The following MAN2B2 variants were observed in gnomAD, a reference collection of about 807,000 sequenced individuals.
The protein encoded by MAN2B2 is mannosidase alpha class 2B member 2.
A neutral mutation model predicts 117.1 loss-of-function variants in MAN2B2; 106 were observed. The ratio of observed to expected loss-of-function variants is 0.90; its 90% CI spans 0.77 to 1.06. The LOEUF (loss-of-function observed/expected upper bound fraction) is 1.06. Among genes scored for constraint, MAN2B2 ranks in the 50% least tolerant of loss-of-function variants. The probability of loss-of-function intolerance (pLI) is 0.00; values close to 1 mark genes in which losing one functional copy is unlikely to be tolerated. For missense variants in MAN2B2, 1,326 were observed against 1,381.4 expected (o/e 0.96, Z 0.64); for synonymous variants, 544 against 595.1 (o/e 0.91, Z 1.25).
chr4:6,585,146 T>G (rs146045905), intron 3 of MAN2B2, among the ~76,000 whole-genome samples: 3 of 151,884 alleles, frequency 2.0e-5, no homozygotes, highest in African/African-American at 7.2e-5. Flanking sequence ...CCCTCTCACC[T>G]CTGCTGTGCA....
chr4:6,599,442 T>C (rs971767462), intron 9 of MAN2B2, among the ~76,000 whole-genome samples: 1 of 151,812 alleles, frequency 6.6e-6, no homozygotes, highest in African/African-American at 2.4e-5. Context: ...GCGGGTGGAT[T>C]ACGAGGTCAG....
chr4:6,589,041 G>A lies in MAN2B2; in HGVS notation c.565-4G>A, dbSNP rs367735375. On this transcript the variant is annotated splice_region_variant and splice_polypyrimidine_tract_variant and intron_variant, in intron 4 of 18. Transcript: ENST00000285599. ...CCAGCCTCATTCTTCTCCTCGGTTTGCAGGGGCTGCAGTTCGTGTGGCGAG... is the reference window on the plus strand; with the variant it reads ...CCAGCCTCATTCTTCTCCTCGGTTTACAGGGGCTGCAGTTCGTGTGGCGAG... 6.2e-7 allele frequency: 1 copy of A among 1,612,254 alleles called. No homozygotes were observed. Among genetic ancestry groups the A allele is most frequent in the Non-Finnish European group, 8.5e-7 (1 of 1,178,444 alleles).
At chr4:6,591,403 C>T (rs547479453) in intron 5 of MAN2B2, among the ~76,000 whole-genome samples, 348 of 152,344 alleles carry the variant, frequency 2.3e-3, no homozygotes, top group Non-Finnish European at 3.5e-3. Context: ...TCGCCAAGGC[C>T]CCGTGGGAGT....
intron 4 of MAN2B2, 116 bp from the exon 5 acceptor site, chr4:6,588,929 C>A: frequency 1.4e-6 from 1 of 704,338 alleles, no homozygotes; most frequent in Non-Finnish European, 2.5e-6. Context: ...CATCCTTGAA[C>A]CACTGAGGGA....
Position 6,576,573 on chromosome 4 carries a change from C to T in MAN2B2, c.139-5C>T. The T allele has an allele frequency of 6.2e-7, 1 of 1,611,716 alleles. No individual in the cohort carries two copies. Reference sequence around the variant, plus strand: ...GGGGCTGGCATGATGCTGTCCCCTCCCCAGGAAAGCATGCGGGCGTACGCC... The same window carrying T: ...GGGGCTGGCATGATGCTGTCCCCTCTCCAGGAAAGCATGCGGGCGTACGCC... On this transcript the variant is annotated splice_region_variant and splice_polypyrimidine_tract_variant and intron_variant, in intron 1 of 18. Transcript: ENST00000285599.
chr4:6,585,159 T>A (rs1224105790), intron 3 of MAN2B2, among the ~76,000 whole-genome samples: 1 of 152,110 alleles, frequency 6.6e-6, no homozygotes, highest in Non-Finnish European at 1.5e-5. Flanking sequence ...GCTGTGCACC[T>A]GATGCCAGCC....
At chr4:6,587,210 C>T in intron 4 of MAN2B2, 42 bp downstream of exon 4, 19 of 1,594,382 alleles carry the variant, frequency 1.2e-5, no homozygotes, top group Non-Finnish European at 1.6e-5. Flanking sequence ...GCGACCGCTC[C>T]TCCCTTCCTT....
intron 16 of MAN2B2, among the ~76,000 whole-genome samples, chr4:6,614,923 G>T (rs1308534243): frequency 6.6e-6 from 1 of 152,248 alleles, no homozygotes; most frequent in Admixed American, 6.5e-5. Context: ...CCCCTGCACA[G>T]CATGATGGGG....
intron 5 of MAN2B2, among the ~76,000 whole-genome samples, chr4:6,591,575 G>A (rs1260987090): frequency 6.6e-6 from 1 of 152,196 alleles, no homozygotes; most frequent in Admixed American, 6.5e-5. Flanking sequence ...GGTGCAGCTG[G>A]TCTGACTGAT....
intron 3 of MAN2B2, 101 bp from the exon 4 acceptor site, chr4:6,586,895 A>G (rs145358679): frequency 2.4e-4 from 260 of 1,080,456 alleles, no homozygotes; most frequent in Non-Finnish European, 3.2e-4. Flanking sequence ...AGTAGCTGGC[A>G]CTGCAACCCA....
intron 4 of MAN2B2, among the ~76,000 whole-genome samples, chr4:6,587,755 T>TTTTTTG (rs1726694778): frequency 2.6e-5 from 2 of 76,424 alleles, no homozygotes; most frequent in African/African-American, 6.6e-5. Context: ...TTGTTGTTTT[T>TTTTTTG]TTTTTTTTTT....
At chr4:6,604,305 A>G (rs1727446279) in intron 10 of MAN2B2, among the ~76,000 whole-genome samples, 1 of 152,228 alleles carries the variant, frequency 6.6e-6, no homozygotes, top group Admixed American at 6.5e-5. Context: ...GTTGGTAGGC[A>G]CAGGAGTGGA....
intron 11 of MAN2B2, among the ~76,000 whole-genome samples, chr4:6,608,486 C>A (rs765019927): frequency 2.0e-5 from 3 of 152,252 alleles, no homozygotes; most frequent in African/African-American, 2.4e-5. Context: ...CCCTCCTGCT[C>A]TTCTCCCATC....
At chr4:6,594,926 T>C (rs1363919449) in intron 7 of MAN2B2, among the ~76,000 whole-genome samples, 194 bp downstream of exon 7, 1 of 152,184 alleles carries the variant, frequency 6.6e-6, no homozygotes, top group East Asian at 1.9e-4. Context: ...GGCCACCACA[T>C]GCACCACCTG....
intron 11 of MAN2B2, among the ~76,000 whole-genome samples, chr4:6,608,230 C>T (rs35972815): frequency 0.089 from 13,533 of 152,126 alleles, 696 homozygotes; most frequent in East Asian, 0.14. Context: ...AAGGATCGTG[C>T]GGGGAAGGGG....
intron 3 of MAN2B2, among the ~76,000 whole-genome samples, chr4:6,586,154 T>A (rs903464768): frequency 4.0e-5 from 6 of 151,758 alleles, no homozygotes; most frequent in Non-Finnish European, 7.4e-5. Context: ...GCTCAAGTGA[T>A]CCTCCCACCT....
intron 15 of MAN2B2, 76 bp downstream of exon 15, chr4:6,611,354 C>A: frequency 7.0e-7 from 1 of 1,433,686 alleles, no homozygotes; most frequent in Non-Finnish European, 9.3e-7. Context: ...TTGGGAGGGG[C>A]CTGTGCCCTC....
chr4:6,600,718 C>T lies in MAN2B2; in HGVS notation c.1501C>T (p.Arg501Cys), dbSNP rs142228302. ...VTLTVGFPGV[R>C]VTDEAGHPVP... The stretch of plus-strand genomic sequence containing the variant: ...CCTGACTGTTGGTTTCCCTGGAGTC[C>T]GCGTCACAGATGAGGCGGGCCACCC... The change falls in exon 10 of 19, where the codon CGC becomes TGC. Residue 501 changes from arginine to cysteine, a missense_variant. Physicochemically the swap from Arg to Cys is radical, Grantham distance 180 (BLOSUM62 -3). Transcript: ENST00000285599. 64 of 1,613,916 alleles carry T rather than the reference C, an allele frequency of 4.0e-5. 1 individual carries two copies. Among genetic ancestry groups the T allele is most frequent in the East Asian group, 2.0e-4 (9 of 44,886 alleles).
rs2301795 is a variant in MAN2B2 at position 6,594,633 on chromosome 4, G to A, written c.958G>A (p.Val320Met). ...NSHAAELGVS[V>M]QYATLGDYFR... is the part of the protein sequence containing the mutation. ...CCATGCTGCCGAGCTCGGTGTCTCG[G>A]TGCAGTATGCCACGCTGGGCGACTA... Residue 320 changes from valine (V) to methionine (M), a missense_variant, in exon 7 of 19, where the codon GTG (valine) becomes ATG (methionine). Coordinates refer to ENST00000285599, the MANE Select transcript of MAN2B2 (RefSeq NM_015274.3). The A allele has an allele frequency of 0.51, 816,291 of 1,613,206 alleles. 208,382 individuals are homozygous for A. The highest frequency in any genetic ancestry group is 0.58 in the Middle Eastern group (3,529 of 6,052).
Sources: gnomAD v4.1 joint callset for allele counts (sites outside exome capture counted in the v4.1 genomes callset) on GRCh38, gnomAD v4.1.1 for gene constraint, MANE v1.5 for transcripts, NCBI Gene and HGNC (gene_info 2026-07-23, HGNC 2026-07-21) for gene names.